The following CTNNA2 variants were observed in gnomAD, a reference collection of about 807,000 sequenced individuals.
The protein encoded by CTNNA2 is catenin alpha 2, also known as catenin alpha-2.
A neutral mutation model predicts 101.0 loss-of-function variants in CTNNA2; 42 were observed. The ratio of observed to expected loss-of-function variants is 0.42; its 90% CI spans 0.32 to 0.54. The LOEUF is 0.54. CTNNA2 is among the 20% of genes least tolerant of loss of function. CTNNA2 has a pLI of 0.14. For synonymous variants in CTNNA2, 450 were observed against 456.4 expected (o/e 0.99, Z 0.18); for missense variants, 871 against 1,223.1 (o/e 0.71, Z 4.29).
intron 13 of CTNNA2, 94 bp from the exon 14 acceptor site, chr2:80,581,612 T>C (rs1215122683): frequency 2.6e-6 from 2 of 769,358 alleles, no homozygotes; most frequent in African/African-American, 3.4e-5. Context: ...TAAGCTCTGT[T>C]TGCTGGGGGA....
intron 3 of CTNNA2, among the ~76,000 whole-genome samples, chr2:79,370,747 C>T (rs1445864780): frequency 6.6e-6 from 1 of 151,950 alleles, no homozygotes; most frequent in African/African-American, 2.4e-5. Context: ...TTTTGCTGAG[C>T]TCTCATACCT....
intron 7 of CTNNA2, among the ~76,000 whole-genome samples, chr2:80,317,802 T>G (rs993370282): frequency 6.6e-6 from 1 of 152,108 alleles, no homozygotes; most frequent in Non-Finnish European, 1.5e-5. Flanking sequence ...TAAACATAAC[T>G]CATTGAAGTC....
intron 7 of CTNNA2, among the ~76,000 whole-genome samples, chr2:80,312,291 G>A (rs536526501): frequency 4.6e-5 from 7 of 152,308 alleles, no homozygotes; most frequent in African/African-American, 9.6e-5. Flanking sequence ...GGGTTGGACC[G>A]CACAGTCTAA....
chr2:80,583,198 C>G (rs548916419), intron 14 of CTNNA2, among the ~76,000 whole-genome samples: 1 of 152,162 alleles, frequency 6.6e-6, no homozygotes, highest in African/African-American at 2.4e-5. Context: ...GATTTAATTA[C>G]TTAATATTTG....
At chr2:79,695,278 T>C (rs1336080712) in intron 2 of CTNNA2, among the ~76,000 whole-genome samples, 1 of 151,956 alleles carries the variant, frequency 6.6e-6, no homozygotes, top group Non-Finnish European at 1.5e-5. Context: ...TAGAACCAAA[T>C]TTAAATCATT....
At chr2:80,204,636 C>T (rs1056594902) in intron 7 of CTNNA2, among the ~76,000 whole-genome samples, 6 of 152,146 alleles carry the variant, frequency 3.9e-5, no homozygotes, top group Non-Finnish European at 8.8e-5. Flanking sequence ...AAGTTCCAAA[C>T]TTTCCCACAT....
chr2:80,031,520 C>T (rs928222937), intron 7 of CTNNA2, among the ~76,000 whole-genome samples: 10 of 152,118 alleles, frequency 6.6e-5, no homozygotes, highest in East Asian at 3.9e-4. Context: ...TATTTACTAT[C>T]GTGAGAACAG....
intron 2 of CTNNA2, among the ~76,000 whole-genome samples, chr2:79,299,330 C>A (rs1049102182): frequency 2.0e-5 from 3 of 152,162 alleles, no homozygotes; most frequent in African/African-American, 7.2e-5. Context: ...GTTTGTTTAA[C>A]CTGTCAGCAT....
At chr2:79,971,203 T>C (rs1409446267) in intron 7 of CTNNA2, among the ~76,000 whole-genome samples, 1 of 152,186 alleles carries the variant, frequency 6.6e-6, no homozygotes, top group Non-Finnish European at 1.5e-5. Flanking sequence ...TCTTGTAAAC[T>C]CAAAAGCAAA....
At chr2:79,958,116 C>G (rs1286354975) in intron 7 of CTNNA2, among the ~76,000 whole-genome samples, 1 of 152,216 alleles carries the variant, frequency 6.6e-6, no homozygotes, top group East Asian at 1.9e-4. Context: ...ATGTTCAGAA[C>G]TTGACTCAAT....
intron 6 of CTNNA2, among the ~76,000 whole-genome samples, chr2:79,898,903 G>A (rs1684889777): frequency 1.3e-5 from 2 of 152,070 alleles, no homozygotes. Flanking sequence ...AGAAAGAGTT[G>A]TTGAGAGGAC....
chr2:79,405,039 A>G lies in CTNNA2; in HGVS notation c.-135+31026A>G, dbSNP rs541217198. On this transcript the variant is annotated intron_variant, in intron 4 of 21. Coordinates refer to the CTNNA2 transcript ENST00000466387. ...ATAATTTGCTTCTAACCAATAGAAT[A>G]TGGCAAAGATGAAGGAATTTTTCAG... Among the ~76,000 whole-genome samples the G allele has an allele frequency of 6.3e-4, 96 of 152,242 alleles. 1 individual carries two copies. The highest frequency in any genetic ancestry group is 2.1e-3 in the African/African-American group (89 of 41,564).
In CTNNA2 at chr2:80,228,463, C is replaced by T. The variant is rs543614232; in HGVS notation, c.1057-164748C>T. Among the ~76,000 whole-genome samples the T allele has an allele frequency of 3.9e-5, 6 of 152,294 alleles. No homozygotes were observed. In the South Asian group the frequency reaches 1.0e-3, roughly 26 times the overall value. On this transcript the variant is annotated intron_variant, in intron 7 of 18. Transcript: ENST00000402739. ...CTTCCAAAAGCCTGACCTCCCAAAA[C>T]CACTGCACCAAGAATTATGTTTCAA...
At chr2:79,280,623 C>CTGTGTGTGTGTGTGTGTGTG (rs369268407) in intron 2 of CTNNA2, among the ~76,000 whole-genome samples, 23 of 129,196 alleles carry the variant, frequency 1.8e-4, no homozygotes, top group African/African-American at 7.0e-4. Flanking sequence ...ATCCTGTATG[C>CTGTGTGTGTGTGTGTGTGTG]TGTGTGTGTG....
intron 3 of CTNNA2, among the ~76,000 whole-genome samples, chr2:79,347,948 G>A (rs773378907): frequency 6.6e-6 from 1 of 151,952 alleles, no homozygotes; most frequent in African/African-American, 2.4e-5. Context: ...CAGGATACTT[G>A]GCACACCCCA....
intron 2 of CTNNA2, among the ~76,000 whole-genome samples, chr2:79,222,534 G>T (rs539356221): frequency 5.2e-4 from 79 of 152,190 alleles, no homozygotes; most frequent in Admixed American, 9.2e-4. Context: ...TGATAGCACA[G>T]GTGGGGGACC....
At chr2:80,632,024 T>TCAG (rs1672349231) in intron 18 of CTNNA2, among the ~76,000 whole-genome samples, 1 of 152,154 alleles carries the variant, frequency 6.6e-6, no homozygotes, top group Non-Finnish European at 1.5e-5. Context: ...TTATTGATTA[T>TCAG]TAAATTGATG....
At chr2:80,185,668 C>A (rs1258722739) in intron 7 of CTNNA2, among the ~76,000 whole-genome samples, 1 of 152,098 alleles carries the variant, frequency 6.6e-6, no homozygotes, top group African/African-American at 2.4e-5. Flanking sequence ...CCTGTTTGTT[C>A]GGTGAGTCCT....
chr2:79,230,475 A>T (rs1012397559), intron 2 of CTNNA2, among the ~76,000 whole-genome samples: 6 of 152,230 alleles, frequency 3.9e-5, no homozygotes. Context: ...CTCCACCCAG[A>T]TTTCAGAAGA....
Sources: allele counts gnomAD v4.1 joint callset (sites outside exome capture counted in the v4.1 genomes callset), GRCh38; gene constraint gnomAD v4.1.1; transcripts MANE v1.5; gene names NCBI Gene and HGNC (gene_info 2026-07-23, HGNC 2026-07-21).